Variants in TRMT10B observed in about 807,000 individuals in gnomAD.
TRMT10B encodes the protein tRNA methyltransferase 10B.
In TRMT10B, 33 loss-of-function variants were observed where a neutral mutation model predicts 43.8. That is an observed-to-expected ratio of 0.75 (90% confidence interval 0.57 to 1.01). TRMT10B has a LOEUF of 1.01. Among genes scored for constraint, TRMT10B ranks in the 50% least tolerant of loss-of-function variants. The pLI is 0.00. For missense variants in TRMT10B, 362 were observed against 369.8 expected, an observed-to-expected ratio of 0.98 and a Z score of 0.17; for synonymous variants, 137 against 130.6, an observed-to-expected ratio of 1.05 and a Z score of -0.34.
At chr9:37,754,443 G>C (rs1053495570) in intron 1 of TRMT10B, among the ~76,000 whole-genome samples, 6 of 152,230 alleles carry the variant, frequency 3.9e-5, no homozygotes, top group Admixed American at 3.9e-4. Flanking sequence ...GTAGACCTTA[G>C]TGATCTGCAT....
intron 7 of TRMT10B, 77 bp downstream of exon 7, chr9:37,770,816 C>CT: frequency 6.7e-7 from 1 of 1,496,176 alleles, no homozygotes; most frequent in South Asian, 1.2e-5. Context: ...CTGTTATAGT[C>CT]TCCTCTAGAG....
Position 37,768,243 on chromosome 9 carries a change from G to A in TRMT10B, c.573+15G>A. On this transcript the variant is annotated intron_variant, in intron 5 of 8. Coordinates refer to ENST00000297994, the MANE Select transcript of TRMT10B (RefSeq NM_144964.4). ...CTAGTTACCTGGTAAGTCTCTTTTT[G>A]CATATTATTTGAATTGTCATCTGAA... 15 of 1,596,318 alleles carry A rather than the reference G, an allele frequency of 9.4e-6. No individual in the cohort carries two copies. Among genetic ancestry groups the A allele is most frequent in the Non-Finnish European group, 1.3e-5 (15 of 1,169,750 alleles).
intron 4 of TRMT10B, among the ~76,000 whole-genome samples, chr9:37,766,103 T>C (rs1300092662): frequency 6.6e-6 from 1 of 152,236 alleles, no homozygotes; most frequent in African/African-American, 2.4e-5. Context: ...TTTGTCAATT[T>C]TGGCTTTTGT....
intron 2 of TRMT10B, 148 bp from the exon 3 acceptor site, chr9:37,762,429 C>A: frequency 8.5e-7 from 1 of 1,177,936 alleles, no homozygotes; most frequent in Non-Finnish European, 1.2e-6. Context: ...TAAACACGAT[C>A]CAGTCTAGGT....
rs1353769749 is a variant in TRMT10B at position 37,778,230 on chromosome 9, T to TA, written c.*525dup. 1 of 153,304 alleles carries TA rather than the reference T, an allele frequency of 6.5e-6. No homozygotes were observed. The highest frequency in any genetic ancestry group is 2.4e-5 in the African/African-American group (1 of 41,330). 9.5% of individuals were successfully genotyped at this position (153,304 alleles called of 1,614,324 possible). ...TCAGATATGTTAAGTAATAAAAAGTTAATGTGGTGGGTGCAGTGGCTCACG... is the reference window on the plus strand; with the variant it reads ...TCAGATATGTTAAGTAATAAAAAGTTAAATGTGGTGGGTGCAGTGGCTCACG... On this transcript the variant is annotated 3_prime_UTR_variant, in exon 9 of 9. Coordinates refer to ENST00000297994, the MANE Select transcript of TRMT10B (RefSeq NM_144964.4).
chr9:37,768,196 G>GT lies in TRMT10B; in HGVS notation c.542dup (p.Arg182GlufsTer4), dbSNP rs1271543795. 3 of 1,613,840 alleles carry GT rather than the reference G, an allele frequency of 1.9e-6. No homozygotes were observed. The East Asian group carries it at 6.7e-5, about 36-fold the overall frequency. On this transcript the variant is annotated frameshift_variant, in exon 5 of 9. Transcript: ENST00000297994. LOFTEE classifies it high-confidence loss of function. ...AGACAGTCCCCTTTATGAAGAGTGT[G>GT]TGAGGATGAATGATGGATTTTCTAG...
intron 1 of TRMT10B, among the ~76,000 whole-genome samples, chr9:37,760,482 C>A (rs115650750): frequency 6.6e-6 from 1 of 152,142 alleles, no homozygotes; most frequent in Non-Finnish European, 1.5e-5. Flanking sequence ...ATTGTGCCAC[C>A]GCACTCGAGC....
intron 4 of TRMT10B, among the ~76,000 whole-genome samples, chr9:37,764,092 G>A (rs1276741619): frequency 6.6e-6 from 1 of 152,082 alleles, no homozygotes; most frequent in Non-Finnish European, 1.5e-5. Context: ...ATATTTGCCT[G>A]GTAGCATGTT....
intron 3 of TRMT10B, among the ~76,000 whole-genome samples, chr9:37,763,390 AATT>A (rs1826626321): frequency 6.6e-6 from 1 of 152,150 alleles, no homozygotes; most frequent in East Asian, 1.9e-4. Context: ...TAAGTAACAT[AATT>A]ATGCCCAAGA....
intron 1 of TRMT10B, among the ~76,000 whole-genome samples, chr9:37,758,139 C>T (rs1242490869): frequency 6.6e-6 from 1 of 152,216 alleles, no homozygotes; most frequent in African/African-American, 2.4e-5. Flanking sequence ...ACAGCTGGTG[C>T]AGTGGCTCAC....
intron 1 of TRMT10B, among the ~76,000 whole-genome samples, chr9:37,755,085 A>G (rs567336760): frequency 2.0e-5 from 3 of 152,076 alleles, no homozygotes; most frequent in East Asian, 3.9e-4. Context: ...CCTGGCTAAA[A>G]TGGTGAAACT....
intron 1 of TRMT10B, among the ~76,000 whole-genome samples, chr9:37,761,512 A>G (rs1563988259): frequency 6.6e-6 from 1 of 152,192 alleles, no homozygotes; most frequent in African/African-American, 2.4e-5. Flanking sequence ...CAGCCTGGCC[A>G]ACATGGTGAA....
In TRMT10B at chr9:37,778,606, T is replaced by TTGAAATTGTTTAAA. The variant is rs1352479422; in HGVS notation, c.*902_*915dup. 6.6e-6 allele frequency: 1 copy of TTGAAATTGTTTAAA among 152,220 alleles called. No individual in the cohort carries two copies. Among genetic ancestry groups the TTGAAATTGTTTAAA allele is most frequent in the Non-Finnish European group, 1.5e-5 (1 of 68,038 alleles). The allele number at this position is 152,220 out of a possible 1,614,324, so 9.4% of individuals were successfully genotyped here. ...TGTACATCTATTTGTGAGAGACCTCTTGAAATTGTTTAAATGGTTACATCA... is the reference window on the plus strand; with the variant it reads ...TGTACATCTATTTGTGAGAGACCTCTTGAAATTGTTTAAATGAAATTGTTTAAATGGTTACATCA... On this transcript the variant is annotated 3_prime_UTR_variant, in exon 9 of 9. Coordinates refer to ENST00000297994, the MANE Select transcript of TRMT10B (RefSeq NM_144964.4).
Position 37,772,707 on chromosome 9 carries a change from G to A in TRMT10B, c.720+1968G>A, listed in dbSNP as rs534786621. On this transcript the variant is annotated intron_variant, in intron 7 of 8. Transcript: ENST00000297994. ...TTACAGATTAAAAGAGGTTCGTCCAGGCACAGTGGCTCATGTCTGTAATCC... is the reference window on the plus strand; with the variant it reads ...TTACAGATTAAAAGAGGTTCGTCCAAGCACAGTGGCTCATGTCTGTAATCC... 3.9e-5 allele frequency among the ~76,000 whole-genome samples: 6 copies of A among 152,320 alleles called. No homozygotes were observed. In the South Asian group the frequency reaches 1.2e-3, roughly 32 times the overall value.
At chr9:37,766,429 C>T (rs1357753632) in intron 4 of TRMT10B, among the ~76,000 whole-genome samples, 2 of 152,080 alleles carry the variant, frequency 1.3e-5, no homozygotes, top group Non-Finnish European at 2.9e-5. Flanking sequence ...TGTTCTGTTC[C>T]ATTGGTCTAT....
intron 8 of TRMT10B, among the ~76,000 whole-genome samples, chr9:37,777,194 CAAAAAAAAAAAAAAAAAAAAAAAAAA>C (rs11306620): frequency 9.0e-4 from 27 of 29,968 alleles, no homozygotes; most frequent in South Asian, 7.7e-3. Context: ...AACTCCGCCT[CAAAAAAAAAAAAAAAAAAAAAAAAAA>C]AAAAAAAAAA....
rs1563990203 is a variant in TRMT10B at position 37,762,590 on chromosome 9, GAAA to G, written c.202_204del (p.Lys68del). On this transcript the variant is annotated inframe_deletion, in exon 3 of 9. Transcript: ENST00000297994. ...GGATAATATAAGAAAAATGTCCAGA[GAAA>G]ACAGAGACACTGGGAAAAGATAGTT... 3 of 1,590,594 alleles carry G rather than the reference GAAA, an allele frequency of 1.9e-6. No individual in the cohort carries two copies. The highest frequency in any genetic ancestry group is 1.7e-6 in the Non-Finnish European group (2 of 1,168,066).
intron 1 of TRMT10B, among the ~76,000 whole-genome samples, chr9:37,754,358 G>C (rs973508028): frequency 6.6e-6 from 1 of 152,130 alleles, no homozygotes; most frequent in Non-Finnish European, 1.5e-5. Flanking sequence ...TAAAGAGAAC[G>C]GCGAATGTAA....
chr9:37,770,425 G>A (rs1442783750), intron 6 of TRMT10B, among the ~76,000 whole-genome samples: 1 of 152,204 alleles, frequency 6.6e-6, no homozygotes, highest in African/African-American at 2.4e-5. Context: ...TTCTTCTGCA[G>A]TTTTGTTTCC....
Sources: gnomAD v4.1 joint callset for allele counts (sites outside exome capture counted in the v4.1 genomes callset) on GRCh38, gnomAD v4.1.1 for gene constraint, MANE v1.5 for transcripts, NCBI Gene and HGNC (gene_info 2026-07-23, HGNC 2026-07-21) for gene names.